NFE2L3: variants seen among roughly 807,000 people sequenced by gnomAD.
NFE2L3 encodes NFE2 like bZIP transcription factor 3.
A neutral mutation model predicts 23.5 loss-of-function variants in NFE2L3; 18 were observed. That is an observed-to-expected ratio of 0.77 (90% CI 0.53 to 1.13). NFE2L3 has a LOEUF of 1.13. NFE2L3 is among the 50% of genes most tolerant of loss of function. The pLI is 0.00. For missense variants in NFE2L3, 1,152 were observed against 877.2 expected (o/e 1.31, Z -3.96); for synonymous variants, 424 against 354.5 (o/e 1.20, Z -2.20).
chr7:26,171,359 C>T (rs367747851), intron 1 of NFE2L3, among the ~76,000 whole-genome samples: 11 of 152,200 alleles, frequency 7.2e-5, no homozygotes, highest in Admixed American at 3.9e-4. Flanking sequence ...ACTTGTTCAA[C>T]ATGGTGAAAC....
At chr7:26,154,977 TGG>T (rs1473963288) in intron 1 of NFE2L3, among the ~76,000 whole-genome samples, 1 of 152,174 alleles carries the variant, frequency 6.6e-6, no homozygotes, top group Admixed American at 6.5e-5. Context: ...CCTTCCTGGC[TGG>T]GCTGGCATGT....
In NFE2L3 at chr7:26,185,323, C is replaced by A; in HGVS notation, c.1625C>A (p.Ala542Asp). 6.2e-7 allele frequency: 1 copy of A among 1,613,890 alleles called. No homozygotes were observed. Among genetic ancestry groups the A allele is most frequent in the African/African-American group, 1.3e-5 (1 of 75,040 alleles). Residue 542 changes from alanine (A) to aspartate (D), a missense_variant, in exon 4 of 4, where the codon GCT (alanine) becomes GAT (aspartate). Physicochemically the swap from Ala to Asp is moderately radical, Grantham distance 126 (BLOSUM62 -2). Coordinates refer to ENST00000056233, the MANE Select transcript of NFE2L3 (RefSeq NM_004289.7). ...DRNLSRDEQR[A>D]KALHIPFSVD... ...AACTTGAGCCGTGATGAACAGCGTG[C>A]TAAAGCTTTGCATATCCCTTTTTCT...
chr7:26,161,516 C>T (rs182136277), intron 1 of NFE2L3, among the ~76,000 whole-genome samples: 49 of 152,078 alleles, frequency 3.2e-4, no homozygotes, highest in African/African-American at 1.1e-3. Context: ...TTCCAGACCC[C>T]CAGGTGGTTC....
In NFE2L3 at chr7:26,185,872, A is replaced by C. The variant is rs1374778418; in HGVS notation, c.*89A>C. On this transcript the variant is annotated 3_prime_UTR_variant, in exon 4 of 4. Transcript: ENST00000056233. Reference sequence around the variant, plus strand: ...CAGAAACCATTGAAACTGCTTCAAGAATTGTATCTTTAAGTACTGCTACTT... The same window carrying C: ...CAGAAACCATTGAAACTGCTTCAAGCATTGTATCTTTAAGTACTGCTACTT... 1 of 1,099,742 alleles carries C rather than the reference A, an allele frequency of 9.1e-7. No individual in the cohort carries two copies. Among genetic ancestry groups the C allele is most frequent in the African/African-American group, 1.6e-5 (1 of 62,686 alleles). The allele number at this position is 1,099,742 out of a possible 1,614,324, so 68.1% of individuals were successfully genotyped here.
intron 1 of NFE2L3, among the ~76,000 whole-genome samples, chr7:26,175,230 G>C (rs1784382488): frequency 6.6e-6 from 1 of 151,230 alleles, no homozygotes; most frequent in South Asian, 2.1e-4. Flanking sequence ...CGTGGTGGCA[G>C]GCACCTGTAG....
chr7:26,182,886 T>C (rs988705789), intron 2 of NFE2L3, among the ~76,000 whole-genome samples: 1 of 152,298 alleles, frequency 6.6e-6, no homozygotes, highest in South Asian at 2.1e-4. Flanking sequence ...CTCAACCTCC[T>C]GGACTCAGGC....
intron 1 of NFE2L3, among the ~76,000 whole-genome samples, chr7:26,163,672 T>C (rs903211444): frequency 6.6e-6 from 1 of 152,176 alleles, no homozygotes; most frequent in African/African-American, 2.4e-5. Flanking sequence ...TTTATTTTAT[T>C]ATACTTTAAG....
At chr7:26,163,964 T>C (rs947603178) in intron 1 of NFE2L3, among the ~76,000 whole-genome samples, 9 of 152,210 alleles carry the variant, frequency 5.9e-5, no homozygotes, top group Non-Finnish European at 8.8e-5. Flanking sequence ...GCTTCATCCA[T>C]GTCCCTGCAA....
At chr7:26,178,869 C>T (rs923220606) in intron 2 of NFE2L3, among the ~76,000 whole-genome samples, 1 of 151,842 alleles carries the variant, frequency 6.6e-6, no homozygotes, top group African/African-American at 2.4e-5. Context: ...GGGGTCTTGC[C>T]CTGACGGTTT....
intron 1 of NFE2L3, among the ~76,000 whole-genome samples, chr7:26,153,777 T>C (rs891992079): frequency 6.6e-6 from 1 of 152,256 alleles, no homozygotes; most frequent in Non-Finnish European, 1.5e-5. Context: ...AACTTCTTTC[T>C]GAAACCAAGT....
In NFE2L3 at chr7:26,185,684, T is replaced by A; in HGVS notation, c.1986T>A (p.Tyr662Ter). ...DQGRPVNPNH[Y>*]ALQCTHDGSI... Reference sequence around the variant, plus strand: ...GTAGGCCAGTCAATCCCAACCACTATGCTCTCCAGTGTACCCATGATGGAA... The same window carrying A: ...GTAGGCCAGTCAATCCCAACCACTAAGCTCTCCAGTGTACCCATGATGGAA... The change falls in exon 4 of 4, where the codon TAT becomes TAA. Residue 662 changes from tyrosine to a stop codon, truncating the protein, a stop_gained. Coordinates refer to ENST00000056233, the MANE Select transcript of NFE2L3 (RefSeq NM_004289.7). LOFTEE classifies it high-confidence loss of function. The A allele has an allele frequency of 8.1e-6, 13 of 1,613,886 alleles. No homozygotes were observed. Among genetic ancestry groups the A allele is most frequent in the Non-Finnish European group, 1.0e-5 (12 of 1,179,790 alleles).
chr7:26,172,743 T>C (rs1157252967), intron 1 of NFE2L3, among the ~76,000 whole-genome samples: 1 of 152,256 alleles, frequency 6.6e-6, no homozygotes, highest in East Asian at 1.9e-4. Context: ...ACAGAAATGG[T>C]ATTGTGTCCT....
At chr7:26,162,540 T>C (rs2128097918) in intron 1 of NFE2L3, among the ~76,000 whole-genome samples, 1 of 152,228 alleles carries the variant, frequency 6.6e-6, no homozygotes, top group Non-Finnish European at 1.5e-5. Flanking sequence ...CTATTCTGCC[T>C]GCTGGGATAA....
At position 26,152,564 on chromosome 7, in the gene NFE2L3, C is replaced by G. The variant is rs1433598110; in HGVS notation, c.66C>G (p.Ser22Arg). ...GGLLHLTLLLSLAGLRVDLDL... is the reference protein window; with the variant it reads ...GGLLHLTLLLRLAGLRVDLDL... ...TCCTGCACCTCACCCTCCTGCTGAG[C>G]TTGGCGGGGCTCCGCGTAGACCTAG... Residue 22 changes from serine to arginine, a missense_variant, in exon 1 of 4, where the codon AGC (serine) becomes AGG (arginine). By Grantham distance (110) the Ser-to-Arg change is moderately radical. Transcript: ENST00000056233. This position sits in a 1 kb window ranked among gnomAD's most constrained non-coding sequence, Gnocchi z 4.4. 2.0e-6 allele frequency: 3 copies of G among 1,529,184 alleles called. No homozygotes were observed. The highest frequency in any genetic ancestry group is 2.0e-5 in the Admixed American group (1 of 50,474). 94.7% of individuals were successfully genotyped at this position (1,529,184 alleles called of 1,614,324 possible). A position where few individuals can be genotyped will look rare whatever the true frequency, so the allele number is the denominator to read the frequency against.
chr7:26,184,423 T>C, intron 3 of NFE2L3, 110 bp from the exon 4 acceptor site: 1 of 955,658 alleles, frequency 1.0e-6, no homozygotes, highest in Non-Finnish European at 1.6e-6. Flanking sequence ...CATCTATCTC[T>C]ATTAAATGTA....
rs1782476180 is a variant in NFE2L3, at chr7:26,185,993, T to C, written c.*210T>C. 2.1e-6 allele frequency: 1 copy of C among 466,316 alleles called. No individual in the cohort carries two copies. Among genetic ancestry groups the C allele is most frequent in the Admixed American group, 3.9e-5 (1 of 25,766 alleles). The allele number at this position is 466,316 out of a possible 1,614,324, so 28.9% of individuals were successfully genotyped here. On this transcript the variant is annotated 3_prime_UTR_variant, in exon 4 of 4. Transcript: ENST00000056233. ...GGCAATCTGGGGGAGCCACAACTTT[T>C]CATGAAGTGCATTGTATACAAAATT... is the stretch of plus-strand genomic sequence containing the variant.
rs774162117 is a variant in NFE2L3, at chr7:26,185,589, A to G, written c.1891A>G (p.Ile631Val). The change falls in exon 4 of 4, where the codon ATT becomes GTT. Residue 631 changes from isoleucine to valine, a missense_variant. Coordinates refer to ENST00000056233, the MANE Select transcript of NFE2L3 (RefSeq NM_004289.7). ...KREQAQCNKA[I>V]NIMKQKLHDL... The stretch of plus-strand genomic sequence containing the variant: ...AGAGCAAGCACAATGTAACAAAGCT[A>G]TTAACATAATGAAACAGAAACTGCA... 4 of 1,613,804 alleles carry G rather than the reference A, an allele frequency of 2.5e-6. No homozygotes were observed. The highest frequency in any genetic ancestry group is 3.4e-6 in the Non-Finnish European group (4 of 1,179,774).
chr7:26,172,731 T>G (rs1420444148), intron 1 of NFE2L3, among the ~76,000 whole-genome samples: 1 of 152,192 alleles, frequency 6.6e-6, no homozygotes, highest in Non-Finnish European at 1.5e-5. Context: ...GGTGAGAAAA[T>G]CACAGAAATG....
At chr7:26,156,522 T>G (rs1255178130) in intron 1 of NFE2L3, among the ~76,000 whole-genome samples, 3 of 152,164 alleles carry the variant, frequency 2.0e-5, no homozygotes, top group Non-Finnish European at 4.4e-5. Context: ...AAACTGACTC[T>G]GGAATTCCCC....
Sources: gnomAD v4.1 joint callset for allele counts (sites outside exome capture counted in the v4.1 genomes callset) on GRCh38, gnomAD v4.1.1 for gene constraint, Gnocchi (gnomAD v3.1) non-coding constraint, MANE v1.5 for transcripts, NCBI Gene and HGNC (gene_info 2026-07-23, HGNC 2026-07-21) for gene names.